Variants in MRPS11 observed in about 807,000 individuals in gnomAD.
The protein encoded by MRPS11 is mitochondrial ribosomal protein S11.
In MRPS11, 27 loss-of-function variants were observed where a neutral mutation model predicts 24.3. The observed-to-expected ratio is 1.11, with a 90% confidence interval of 0.82 to 1.53. The LOEUF (loss-of-function observed/expected upper bound fraction) is 1.53. Ranked by LOEUF, MRPS11 falls within the 40% of genes most tolerant of loss-of-function variation. MRPS11 has a pLI of 0.00. For synonymous variants in MRPS11, 104 were observed against 98.7 expected (o/e 1.05, Z -0.32); for missense variants, 277 against 256.5 (o/e 1.08, Z -0.55).
rs577555334 is a variant in MRPS11 at position 88,471,912 on chromosome 15, GTT to G, written c.183-714_183-713del. ...TCTGTATGCTTCACAGCTGACTGATGTTCAGCCTGCATTGAAAACCACTGGTC... is the reference window on the plus strand; with the variant it reads ...TCTGTATGCTTCACAGCTGACTGATGCAGCCTGCATTGAAAACCACTGGTC... On this transcript the variant is annotated intron_variant, in intron 2 of 5. Transcript: ENST00000325844. 2.1e-3 allele frequency among the ~76,000 whole-genome samples: 314 copies of G among 152,316 alleles called. 6 individuals carry two copies. The highest frequency in any genetic ancestry group is 0.018 in the Admixed American group (270 of 15,298).
chr15:88,468,166 C>T, intron 2 of MRPS11, 142 bp downstream of exon 2: 2 of 1,453,274 alleles, frequency 1.4e-6, no homozygotes, highest in Non-Finnish European at 9.1e-7. Context: ...GAGCCTCAGC[C>T]TTCTCATCTA....
rs1319148583 is a variant in MRPS11, at chr15:88,477,110, G to T, written c.477+56G>T. 5 of 1,536,018 alleles carry T rather than the reference G, an allele frequency of 3.3e-6. No individual in the cohort carries two copies. The highest frequency in any genetic ancestry group is 4.5e-6 in the Non-Finnish European group (5 of 1,113,108). ...GCCTCCTAGTAAGTGTGAGAATTTG[G>T]GGCTTGAGAGCAGAGTACAGGGAGA... On this transcript the variant is annotated intron_variant, in intron 5 of 5. Coordinates refer to ENST00000325844, the MANE Select transcript of MRPS11 (RefSeq NM_022839.5). This position sits in a 1 kb window ranked among gnomAD's most constrained non-coding sequence, Gnocchi z 5.7.
chr15:88,472,811 C>A (rs931629984), intron 3 of MRPS11, 86 bp downstream of exon 3: 1 of 1,137,492 alleles, frequency 8.8e-7, no homozygotes, highest in South Asian at 1.3e-5. Flanking sequence ...CTGAATACCC[C>A]GGGGTAGAAG....
Position 88,468,146 on chromosome 15 carries a change from A to C in MRPS11, c.182+122A>C. The C allele has an allele frequency of 2.7e-6, 4 of 1,466,554 alleles. No individual in the cohort carries two copies. In the South Asian group the frequency reaches 5.5e-5, roughly 20 times the overall value. 90.8% of individuals were successfully genotyped at this position (1,466,554 alleles called of 1,614,324 possible). A position where few individuals can be genotyped will look rare whatever the true frequency, so the allele number is the denominator to read the frequency against. On this transcript the variant is annotated intron_variant, in intron 2 of 5. Transcript: ENST00000325844. ...ACTTGCTATCCGTGGGACCTTATGCAAATAAATCTGAGCCTCAGCCTTCTC... is the reference window on the plus strand; with the variant it reads ...ACTTGCTATCCGTGGGACCTTATGCCAATAAATCTGAGCCTCAGCCTTCTC...
chr15:88,472,651 G>A lies in MRPS11; in HGVS notation c.207G>A (p.Glu69=). ...KFSIYPPIPG[E]ESSLRWAGKK... is the part of the protein sequence containing the mutation. The stretch of plus-strand genomic sequence containing the variant: ...GCATTTACCCTCCCATTCCAGGAGA[G>A]GAGAGCTCTCTGAGGTGGGCAGGAA... The change falls in exon 3 of 6, where the codon GAG becomes GAA. Residue 69 remains glutamate, a synonymous_variant. Transcript: ENST00000325844. The A allele has an allele frequency of 6.2e-7, 1 of 1,614,028 alleles. No individual in the cohort carries two copies. Among genetic ancestry groups the A allele is most frequent in the Non-Finnish European group, 8.5e-7 (1 of 1,179,924 alleles).
In MRPS11 at chr15:88,477,406, G is replaced by C. The variant is rs1411038725; in HGVS notation, c.477+352G>C. 6.6e-6 allele frequency among the ~76,000 whole-genome samples: 1 copy of C among 152,206 alleles called. No individual in the cohort carries two copies. The highest frequency in any genetic ancestry group is 2.4e-5 in the African/African-American group (1 of 41,448). On this transcript the variant is annotated intron_variant, in intron 5 of 5. Transcript: ENST00000325844. This position sits in a 1 kb window ranked among gnomAD's most constrained non-coding sequence, Gnocchi z 5.7. ...ATCAGGGGATCCCGAACCTAGCAGG[G>C]ATAATCTTTCCTGATGATCATTAGC... is the stretch of plus-strand genomic sequence containing the variant.
intron 2 of MRPS11, among the ~76,000 whole-genome samples, chr15:88,470,730 T>C (rs184426142): frequency 6.0e-4 from 92 of 152,304 alleles, no homozygotes; most frequent in African/African-American, 2.2e-3. Context: ...GAGGCTAATA[T>C]CTGATTGAAA....
In MRPS11 at chr15:88,477,019, C is replaced by A; in HGVS notation, c.442C>A (p.Arg148=). Residue 148 remains arginine (R), a synonymous_variant, in exon 5 of 6, where the codon CGA becomes AGA. Transcript: ENST00000325844. The surrounding 1 kb of genome is among the most constrained non-coding windows in gnomAD (Gnocchi z 5.7). ...TAAACAAAAGGGCGTGATCCACATC[C>A]GAGTTGTGGTGAAAGGCCTGGGGCC... ...RAKQKGVIHI[R]VVVKGLGPGR... is the part of the protein sequence containing the mutation. The A allele has an allele frequency of 3.7e-6, 6 of 1,614,022 alleles. No individual in the cohort carries two copies. The highest frequency in any genetic ancestry group is 1.3e-5 in the African/African-American group (1 of 75,044).
intron 2 of MRPS11, among the ~76,000 whole-genome samples, chr15:88,470,504 G>A (rs1285863835): frequency 6.6e-6 from 1 of 152,156 alleles, no homozygotes; most frequent in African/African-American, 2.4e-5. Flanking sequence ...TAGAGATTTG[G>A]GAGACTAGGA....
In MRPS11 at chr15:88,468,574, C is replaced by T. The variant is rs568757046; in HGVS notation, c.182+550C>T. On this transcript the variant is annotated intron_variant, in intron 2 of 5. Coordinates refer to ENST00000325844, the MANE Select transcript of MRPS11 (RefSeq NM_022839.5). ...ATGAGTGAGACACCATGCTAGGTGC[C>T]GTGAATACAGATACAAAAGATCATT... 1,010 of 912,658 alleles carry T rather than the reference C, an allele frequency of 1.1e-3. 2 individuals are homozygous for T. Among genetic ancestry groups the T allele is most frequent in the Non-Finnish European group, 1.3e-3 (955 of 763,330 alleles). The allele number at this position is 912,658 out of a possible 1,614,324, so 56.5% of individuals were successfully genotyped here. A position where few individuals can be genotyped will look rare whatever the true frequency, so the allele number is the denominator to read the frequency against.
intron 2 of MRPS11, among the ~76,000 whole-genome samples, chr15:88,470,907 T>C (rs765330311): frequency 2.6e-5 from 4 of 152,236 alleles, no homozygotes; most frequent in Non-Finnish European, 5.9e-5. Context: ...TTTTTTCAGT[T>C]TGGAACATAA....
chr15:88,471,012 C>T (rs1194151770), intron 2 of MRPS11, among the ~76,000 whole-genome samples: 1 of 152,130 alleles, frequency 6.6e-6, no homozygotes, highest in Non-Finnish European at 1.5e-5. Flanking sequence ...CCTTCAGGGG[C>T]TAATACACAA....
Position 88,472,678 on chromosome 15 carries a change from G to T in MRPS11, c.234G>T (p.Lys78Asn). Residue 78 changes from lysine (K) to asparagine (N), a missense_variant, in exon 3 of 6, where the codon AAG (lysine) becomes AAT (asparagine). Lys to Asn is a moderately conservative substitution (Grantham distance 94, BLOSUM62 0). Coordinates refer to ENST00000325844, the MANE Select transcript of MRPS11 (RefSeq NM_022839.5). ...GEESSLRWAG[K>N]KFEEIPIAHI... ...AGAGCTCTCTGAGGTGGGCAGGAAAGAAATTTGAGGAGATCCCAATTGCAC... is the reference window on the plus strand; with the variant it reads ...AGAGCTCTCTGAGGTGGGCAGGAAATAAATTTGAGGAGATCCCAATTGCAC... The T allele has an allele frequency of 1.2e-6, 2 of 1,614,130 alleles. No individual in the cohort carries two copies. Among genetic ancestry groups the T allele is most frequent in the Non-Finnish European group, 1.7e-6 (2 of 1,180,006 alleles).
intron 1 of MRPS11, 43 bp downstream of exon 1, chr15:88,467,825 A>T: frequency 6.2e-7 from 1 of 1,613,544 alleles, no homozygotes; most frequent in South Asian, 1.1e-5. Flanking sequence ...CACCTCCAGG[A>T]CTATGCTCCT....
rs531027044 is a variant in MRPS11 at position 88,474,510 on chromosome 15, G to C, written c.282-600G>C. Among the ~76,000 whole-genome samples, 9 of 149,584 alleles carry C rather than the reference G, an allele frequency of 6.0e-5. No homozygotes were observed. The South Asian group carries it at 1.9e-3, about 31-fold the overall frequency. ...GGAGGCGGAGGTTACTGTGAGCCAAGATCGTGCCATTGCACTCCAGCCTGG... is the reference window on the plus strand; with the variant it reads ...GGAGGCGGAGGTTACTGTGAGCCAACATCGTGCCATTGCACTCCAGCCTGG... On this transcript the variant is annotated intron_variant, in intron 3 of 5. Transcript: ENST00000325844.
At chr15:88,476,011 T>G (rs2055815161) in intron 4 of MRPS11, among the ~76,000 whole-genome samples, 1 of 152,058 alleles carries the variant, frequency 6.6e-6, no homozygotes, top group African/African-American at 2.4e-5. Context: ...GATATGATAG[T>G]CTATTTGGAG....
chr15:88,472,406 T>A, intron 2 of MRPS11: 1 of 459,840 alleles, frequency 2.2e-6, no homozygotes, highest in Non-Finnish European at 3.9e-6. Flanking sequence ...TAGCGGAAAG[T>A]CCCCAGATGT....
At chr15:88,472,596 A>G (rs1335498228) in intron 2 of MRPS11, 31 bp from the exon 3 acceptor site, 1 of 1,565,784 alleles carries the variant, frequency 6.4e-7, no homozygotes, top group Admixed American at 1.7e-5. Context: ...AGTCGAGACA[A>G]TTTTAAATAA....
rs142183271 is a variant in MRPS11 at position 88,475,232 on chromosome 15, C to T, written c.404C>T (p.Ala135Val). The change falls in exon 4 of 6, where the codon GCA (alanine) becomes GTA (valine). Residue 135 changes from alanine (A) to valine (V), a missense_variant. Coordinates refer to ENST00000325844, the MANE Select transcript of MRPS11 (RefSeq NM_022839.5). This position sits in a 1 kb window ranked among gnomAD's most constrained non-coding sequence, Gnocchi z 4.1. ...GIAAQTAGIA[A>V]AARAKQKGVI... ...GCAGCACAGACAGCAGGCATAGCCG[C>T]AGCGGCGGTAAGTGTGTGTTCCTTC... The T allele has an allele frequency of 4.9e-5, 79 of 1,614,204 alleles. No individual in the cohort carries two copies. The African/African-American group carries it at 1.0e-3, about 21-fold the overall frequency.
Sources: allele counts gnomAD v4.1 joint callset (sites outside exome capture counted in the v4.1 genomes callset), GRCh38; gene constraint gnomAD v4.1.1; non-coding constraint Gnocchi (gnomAD v3.1); transcripts MANE v1.5; gene names NCBI Gene and HGNC (gene_info 2026-07-23, HGNC 2026-07-21).